The following TBC1D32 variants were observed in gnomAD, a reference collection of about 807,000 sequenced individuals.
TBC1D32 encodes TBC1 domain family member 32, also known as protein broad-minded.
In TBC1D32, 151 loss-of-function variants were observed where a neutral mutation model predicts 170.3. The observed-to-expected ratio is 0.89, with a 90% CI of 0.78 to 1.01. The LOEUF (loss-of-function observed/expected upper bound fraction) is 1.01. TBC1D32 is among the 50% of genes least tolerant of loss of function. TBC1D32 has a pLI of 0.00. For missense variants in TBC1D32, 1,464 were observed against 1,457.1 expected (o/e 1.00, Z -0.08); for synonymous variants, 498 against 488.0 (o/e 1.02, Z -0.27).
intron 22 of TBC1D32, among the ~76,000 whole-genome samples, chr6:121,186,722 T>G (rs973578951): frequency 1.1e-4 from 16 of 152,186 alleles, no homozygotes; most frequent in Admixed American, 9.8e-4. Context: ...TTAAAGGATA[T>G]GAAGATACGA....
In TBC1D32 at chr6:121,225,163, C is replaced by A. The variant is rs184457861; in HGVS notation, c.2365-1811G>T. On this transcript the variant is annotated intron_variant, in intron 20 of 31. Coordinates refer to ENST00000398212, the MANE Select transcript of TBC1D32 (RefSeq NM_152730.6). ...AGAAAAACTGGAGGGTTCATAGTCA[C>A]CTAGGAAACTACTGTATAAACTTCT... 2.1e-3 allele frequency among the ~76,000 whole-genome samples: 313 copies of A among 151,998 alleles called. 1 individual carries two copies. The highest frequency in any genetic ancestry group is 7.3e-3 in the African/African-American group (302 of 41,514).
chr6:121,261,887 C>T (rs576782155), intron 15 of TBC1D32, among the ~76,000 whole-genome samples: 1 of 151,428 alleles, frequency 6.6e-6, no homozygotes, highest in Non-Finnish European at 1.5e-5. Context: ...AACCATGATA[C>T]TAGGTTACAG....
At chr6:121,162,648 C>A (rs949969628) in intron 22 of TBC1D32, among the ~76,000 whole-genome samples, 1 of 152,148 alleles carries the variant, frequency 6.6e-6, no homozygotes, top group South Asian at 2.1e-4. Context: ...ATCTAGAAAA[C>A]CCCATCATCT....
chr6:121,176,245 C>T (rs964305635), intron 22 of TBC1D32, among the ~76,000 whole-genome samples: 1 of 152,092 alleles, frequency 6.6e-6, no homozygotes, highest in African/African-American at 2.4e-5. Flanking sequence ...TGATAACCTT[C>T]TTAGGAAAGA....
intron 25 of TBC1D32, among the ~76,000 whole-genome samples, chr6:121,128,447 C>T (rs74713412): frequency 1.3e-5 from 2 of 152,236 alleles, no homozygotes; most frequent in Admixed American, 1.3e-4. Context: ...ACTGAAAATT[C>T]CATTAACACA....
chr6:121,295,828 G>GT (rs1223310846), intron 10 of TBC1D32, among the ~76,000 whole-genome samples: 1 of 152,150 alleles, frequency 6.6e-6, no homozygotes, highest in African/African-American at 2.4e-5. Flanking sequence ...CAGAAAAGAG[G>GT]TAACATGGCA....
chr6:121,304,128 T>C (rs1436421271), intron 8 of TBC1D32, among the ~76,000 whole-genome samples: 4 of 127,718 alleles, frequency 3.1e-5, no homozygotes, highest in African/African-American at 1.2e-4. Context: ...AAAAAAAAAC[T>C]AATGCTACAT....
intron 20 of TBC1D32, among the ~76,000 whole-genome samples, chr6:121,236,142 T>A (rs77722354): frequency 1.4e-5 from 2 of 145,264 alleles, no homozygotes; most frequent in Admixed American, 6.8e-5. Flanking sequence ...TTTTTTTTTT[T>A]AATTGTAAAA....
At chr6:121,104,151 T>A (rs971583063) in intron 30 of TBC1D32, among the ~76,000 whole-genome samples, 2 of 151,756 alleles carry the variant, frequency 1.3e-5, no homozygotes, top group Admixed American at 6.6e-5. Flanking sequence ...GCTCATATCA[T>A]AATATCAAGA....
intron 29 of TBC1D32, among the ~76,000 whole-genome samples, chr6:121,106,732 C>T (rs1778722626): frequency 6.6e-6 from 1 of 151,924 alleles, no homozygotes; most frequent in Non-Finnish European, 1.5e-5. Flanking sequence ...AAGAAGTGCA[C>T]AAGGCATTCC....
At chr6:121,321,441 G>A (rs1165648004) in intron 2 of TBC1D32, among the ~76,000 whole-genome samples, 192 bp downstream of exon 2, 1 of 152,128 alleles carries the variant, frequency 6.6e-6, no homozygotes, top group Admixed American at 6.5e-5. Flanking sequence ...AAAGAATTCT[G>A]GGTTTTACTC....
At position 121,202,772 on chromosome 6, in the gene TBC1D32, G is replaced by A. The variant is rs118186154; in HGVS notation, c.2570+2303C>T. Among the ~76,000 whole-genome samples the A allele has an allele frequency of 3.2e-3, 479 of 151,232 alleles. 24 individuals are homozygous for A. The East Asian group carries it at 0.078, about 25-fold the overall frequency. ...GGTGAAGGAGGGAGGCTAATCAAAG[G>A]AGCACCCTTCTTGAGTATTAGTCAT... On this transcript the variant is annotated intron_variant, in intron 22 of 31. Coordinates refer to ENST00000398212, the MANE Select transcript of TBC1D32 (RefSeq NM_152730.6).
chr6:121,246,450 T>C (rs74856244), intron 17 of TBC1D32, among the ~76,000 whole-genome samples: 2,089 of 151,970 alleles, frequency 0.014, 42 homozygotes, highest in African/African-American at 0.046. Flanking sequence ...ATGAAAAAAG[T>C]AATTCTGGTA....
chr6:121,187,210 T>C (rs1247524907), intron 22 of TBC1D32, among the ~76,000 whole-genome samples: 5 of 152,146 alleles, frequency 3.3e-5, no homozygotes, highest in African/African-American at 4.8e-5. Flanking sequence ...TTAGTATCTC[T>C]GATTCATTAT....
chr6:121,216,276 C>G (rs1434687407), intron 21 of TBC1D32, among the ~76,000 whole-genome samples: 1 of 152,174 alleles, frequency 6.6e-6, no homozygotes. Flanking sequence ...TATCAGACTC[C>G]AAGTTCTTTA....
At chr6:121,211,585 G>A (rs956819148) in intron 21 of TBC1D32, among the ~76,000 whole-genome samples, 1 of 152,140 alleles carries the variant, frequency 6.6e-6, no homozygotes, top group African/African-American at 2.4e-5. Flanking sequence ...CCATTCCAGT[G>A]TTACTTAACT....
intron 19 of TBC1D32, among the ~76,000 whole-genome samples, chr6:121,240,031 T>C (rs1312387651): frequency 2.6e-5 from 4 of 152,152 alleles, no homozygotes; most frequent in Admixed American, 1.3e-4. Context: ...GTTCCCCCAT[T>C]TGAAAATTGA....
chr6:121,093,247 A>G (rs1232759459), intron 30 of TBC1D32, among the ~76,000 whole-genome samples: 1 of 152,140 alleles, frequency 6.6e-6, no homozygotes, highest in Non-Finnish European at 1.5e-5. Context: ...TCCATTGCCC[A>G]GACCCCAATA....
intron 4 of TBC1D32, 88 bp from the exon 5 acceptor site, chr6:121,308,189 G>T (rs1807620446): frequency 8.2e-7 from 1 of 1,225,696 alleles, no homozygotes; most frequent in Non-Finnish European, 1.2e-6. Context: ...ACTACTAAAA[G>T]GTAAAGTCTG....
Sources: gnomAD v4.1 joint callset for allele counts (sites outside exome capture counted in the v4.1 genomes callset) on GRCh38, gnomAD v4.1.1 for gene constraint, MANE v1.5 for transcripts, NCBI Gene and HGNC (gene_info 2026-07-23, HGNC 2026-07-21) for gene names.